RPH3AL: variants seen among roughly 807,000 people sequenced by gnomAD.
RPH3AL encodes the protein rab effector Noc2.
In RPH3AL, 38 loss-of-function variants were observed where a neutral mutation model predicts 43.1. The observed-to-expected ratio is 0.88, with a 90% CI of 0.68 to 1.15. RPH3AL has a LOEUF of 1.15. Among genes scored for constraint, RPH3AL ranks in the 50% most tolerant of loss-of-function variants. The pLI is 0.00. For missense variants in RPH3AL, 462 were observed against 423.2 expected (o/e 1.09, Z -0.81); for synonymous variants, 189 against 176.3 (o/e 1.07, Z -0.57).
At chr17:325,218 C>T (rs149028988) in intron 3 of RPH3AL, among the ~76,000 whole-genome samples, 150 of 152,250 alleles carry the variant, frequency 9.9e-4, no homozygotes, top group African/African-American at 3.3e-3. Flanking sequence ...TTCCTTGATC[C>T]CCTCCAAAAC....
chr17:237,295 T>C lies in RPH3AL; in HGVS notation c.613+9816A>G, dbSNP rs187237092. ...ACTGAAGTGATCGTGAAACTCCCAT[T>C]TTTCTTAAAACTCCCCACCTGGAAC... On this transcript the variant is annotated intron_variant, in intron 7 of 9. Coordinates refer to ENST00000331302, the MANE Select transcript of RPH3AL (RefSeq NM_006987.4). Among the ~76,000 whole-genome samples the C allele has an allele frequency of 3.2e-3, 493 of 152,274 alleles. 1 individual carries two copies. The highest frequency in any genetic ancestry group is 0.012 in the African/African-American group (481 of 41,554).
intron 6 of RPH3AL, among the ~76,000 whole-genome samples, chr17:273,051 A>AGAGACCCCAGCGCGGGTGACGTCAGGGT (rs2042541474): frequency 7.6e-6 from 1 of 132,298 alleles, no homozygotes; most frequent in African/African-American, 2.8e-5. Context: ...GACGTCAGGG[A>AGAGACCCCAGCGCGGGTGACGTCAGGGT]GAGACCCCAG....
At chr17:228,456 G>T (rs867982947) in intron 7 of RPH3AL, among the ~76,000 whole-genome samples, 1 of 152,192 alleles carries the variant, frequency 6.6e-6, no homozygotes, top group African/African-American at 2.4e-5. Context: ...CATCTGGCCT[G>T]TGGTAGGTGC....
At chr17:315,876 C>G (rs2044109103) in intron 5 of RPH3AL, among the ~76,000 whole-genome samples, 1 of 150,584 alleles carries the variant, frequency 6.6e-6, no homozygotes, top group Non-Finnish European at 1.5e-5. Flanking sequence ...GCCCCCACCT[C>G]CATTGACCTG....
At chr17:227,660 G>A (rs1316331237) in intron 7 of RPH3AL, among the ~76,000 whole-genome samples, 1 of 152,138 alleles carries the variant, frequency 6.6e-6, no homozygotes, top group South Asian at 2.1e-4. Flanking sequence ...CTCCCTGGTC[G>A]GGGTGGGGAG....
At chr17:305,581 C>T (rs1019185772) in intron 5 of RPH3AL, among the ~76,000 whole-genome samples, 2 of 151,848 alleles carry the variant, frequency 1.3e-5, no homozygotes, top group African/African-American at 4.8e-5. Flanking sequence ...CCAGCCCCAA[C>T]ATCTCAAGAG....
intron 7 of RPH3AL, among the ~76,000 whole-genome samples, chr17:220,182 A>G (rs1179593596): frequency 5.9e-5 from 9 of 151,916 alleles, no homozygotes; most frequent in African/African-American, 2.2e-4. Flanking sequence ...AGACCCAAGC[A>G]CAACAGCTCT....
At chr17:252,982 C>T (rs552269751) in intron 6 of RPH3AL, among the ~76,000 whole-genome samples, 10 of 152,262 alleles carry the variant, frequency 6.6e-5, no homozygotes, top group South Asian at 4.1e-4. Context: ...AGAGTCAGGC[C>T]GCCCTCCAGG....
chr17:245,444 TG>T lies in RPH3AL; in HGVS notation c.613+1666del, dbSNP rs1234084471. ...TGATGTGTGTGTAGGTGTGAGCGTG[TG>T]TCAATGCGGTTGTGTTTGTGTGCGT... On this transcript the variant is annotated intron_variant, in intron 7 of 9. Transcript: ENST00000331302. The surrounding 1 kb of genome is among the most constrained non-coding windows in gnomAD (Gnocchi z 5.9). 6.6e-6 allele frequency among the ~76,000 whole-genome samples: 1 copy of T among 150,550 alleles called. No individual in the cohort carries two copies. The highest frequency in any genetic ancestry group is 1.5e-5 in the Non-Finnish European group (1 of 67,692).
intron 5 of RPH3AL, among the ~76,000 whole-genome samples, chr17:318,618 T>C (rs1262258779): frequency 6.6e-6 from 1 of 151,968 alleles, no homozygotes; most frequent in Non-Finnish European, 1.5e-5. Context: ...CTCCATATGA[T>C]AGTATAATTA....
intron 3 of RPH3AL, among the ~76,000 whole-genome samples, chr17:322,000 G>C (rs929284549): frequency 6.6e-6 from 1 of 152,218 alleles, no homozygotes; most frequent in African/African-American, 2.4e-5. Flanking sequence ...TTCACCAGGG[G>C]ACAGGAAAGC....
intron 1 of RPH3AL, among the ~76,000 whole-genome samples, chr17:342,747 G>T (rs762937099): frequency 2.0e-5 from 3 of 152,312 alleles, no homozygotes; most frequent in Non-Finnish European, 4.4e-5. Flanking sequence ...ATGTGGTGAT[G>T]ATTGGTGATG....
Position 219,730 on chromosome 17 carries a change from G to A in RPH3AL, c.620C>T (p.Ser207Phe), listed in dbSNP as rs761769413. 1.2e-6 allele frequency: 2 copies of A among 1,611,460 alleles called. No individual in the cohort carries two copies. Among genetic ancestry groups the A allele is most frequent in the African/African-American group, 2.7e-5 (2 of 74,764 alleles). The part of the protein sequence containing the change: ...IYTWARGRVV[S>F]SDSDSDSDLS... ...ATCCGAGTCACTGTCACTGTCACTG[G>A]AAACCACTGGAAGAGACAGACCACA... is the stretch of plus-strand genomic sequence containing the variant. The change falls in exon 8 of 10, where the codon TCC becomes TTC. Residue 207 changes from serine (S) to phenylalanine (F), a missense_variant. Transcript: ENST00000331302.
In RPH3AL at chr17:242,538, C is replaced by T. The variant is rs866520582; in HGVS notation, c.613+4573G>A. 2.5e-3 allele frequency among the ~76,000 whole-genome samples: 147 copies of T among 57,722 alleles called. 1 individual carries two copies. The highest frequency in any genetic ancestry group is 8.4e-3 in the South Asian group (9 of 1,068). 37.9% of individuals were successfully genotyped at this position (57,722 alleles called of 152,430 possible). A position where few individuals can be genotyped will look rare whatever the true frequency, so the allele number is the denominator to read the frequency against. On this transcript the variant is annotated intron_variant, in intron 7 of 9. Transcript: ENST00000331302. ...TCTATTGACTACCTTCCTCTATTGA[C>T]TACCTTCCTCTATTGATTACCTTCC... is the stretch of plus-strand genomic sequence containing the variant.
Position 213,289 on chromosome 17 carries a change from C to A in RPH3AL, c.*563G>T. The A allele has an allele frequency of 6.3e-6, 1 of 158,742 alleles. No homozygotes were observed. The highest frequency in any genetic ancestry group is 1.4e-5 in the Non-Finnish European group (1 of 71,672). 9.8% of individuals were successfully genotyped at this position (158,742 alleles called of 1,614,324 possible). ...ACATACAAAAACCAAAGAAACTAAA[C>A]AGACCCAGGTTTCACCCACGGTCCT... is the stretch of plus-strand genomic sequence containing the variant. On this transcript the variant is annotated 3_prime_UTR_variant, in exon 10 of 10. Transcript: ENST00000331302.
chr17:230,554 G>T (rs143305717), intron 7 of RPH3AL, among the ~76,000 whole-genome samples: 28 of 152,340 alleles, frequency 1.8e-4, no homozygotes, highest in Admixed American at 1.8e-3. Context: ...CCAGGCAGTG[G>T]ACTCCTCTGG....
At chr17:331,603 C>T (rs2044767684) in intron 2 of RPH3AL, 3 of 1,286,010 alleles carry the variant, frequency 2.3e-6, no homozygotes, top group Non-Finnish European at 3.0e-6. Flanking sequence ...TTTTAGGAAA[C>T]TGCCCACGGA....
At chr17:217,430 G>C (rs2040836153) in intron 8 of RPH3AL, among the ~76,000 whole-genome samples, 1 of 35,296 alleles carries the variant, frequency 2.8e-5, no homozygotes, top group African/African-American at 5.7e-5. Flanking sequence ...CCCTTCTTCT[G>C]TGCCAAAATT....
chr17:273,687 G>A (rs369189237), intron 6 of RPH3AL, among the ~76,000 whole-genome samples: 3 of 152,216 alleles, frequency 2.0e-5, no homozygotes, highest in African/African-American at 7.2e-5. Context: ...ATCGGAACAC[G>A]AAATTTCTTT....
Sources: allele counts gnomAD v4.1 joint callset (sites outside exome capture counted in the v4.1 genomes callset), GRCh38; gene constraint gnomAD v4.1.1; non-coding constraint Gnocchi (gnomAD v3.1); transcripts MANE v1.5; gene names NCBI Gene and HGNC (gene_info 2026-07-23, HGNC 2026-07-21).